Variants in SGIP1 observed in about 807,000 individuals in gnomAD.
SGIP1 encodes SH3-containing GRB2-like protein 3-interacting protein 1.
SGIP1 carries 38 observed loss-of-function variants against 107.5 expected under a neutral mutation model. That is an observed-to-expected ratio of 0.35 (90% confidence interval 0.27 to 0.46). The LOEUF (loss-of-function observed/expected upper bound fraction) is 0.46, where lower values mean the gene tolerates loss of function less well. Ranked by LOEUF, SGIP1 falls within the 20% of genes least tolerant of loss-of-function variation. The probability of loss-of-function intolerance (pLI) is 1.00; values close to 1 mark genes in which losing one functional copy is unlikely to be tolerated. For missense variants in SGIP1, 929 were observed against 1,019.5 expected (o/e 0.91, Z 1.21); for synonymous variants, 365 against 366.1 (o/e 1.00, Z 0.03).
At chr1:66,623,376 A>C (rs1317835194) in intron 1 of SGIP1, among the ~76,000 whole-genome samples, 1 of 151,996 alleles carries the variant, frequency 6.6e-6, no homozygotes, top group East Asian at 1.9e-4. Context: ...CAGCCTCCCA[A>C]GTAGCTGGGA....
In SGIP1 at chr1:66,744,686, G is replaced by T. The variant is rs1434506707; in HGVS notation, c.*1591G>T. On this transcript the variant is annotated 3_prime_UTR_variant, in exon 25 of 25. Coordinates refer to ENST00000371037, the MANE Select transcript of SGIP1 (RefSeq NM_032291.4). ...TAAAATGAGATTGTGACTGGCAATT[G>T]TTTATAGTGAAACTTTTTAAATTAA... 5.3e-5 allele frequency: 8 copies of T among 151,984 alleles called. No homozygotes were observed. The highest frequency in any genetic ancestry group is 6.6e-5 in the Admixed American group (1 of 15,240). The allele number at this position is 151,984 out of a possible 1,614,324, so 9.4% of individuals were successfully genotyped here. A position where few individuals can be genotyped will look rare whatever the true frequency, so the allele number is the denominator to read the frequency against.
intron 1 of SGIP1, among the ~76,000 whole-genome samples, chr1:66,596,225 C>G (rs2064653374): frequency 6.6e-6 from 1 of 152,106 alleles, no homozygotes; most frequent in Admixed American, 6.5e-5. Context: ...TTGTACCACG[C>G]CCAAGAAGAA....
chr1:66,554,219 G>A (rs935837069), intron 1 of SGIP1, among the ~76,000 whole-genome samples: 2 of 152,118 alleles, frequency 1.3e-5, no homozygotes, highest in African/African-American at 4.8e-5. Flanking sequence ...GCTCCACAAA[G>A]TCTAAATGAG....
chr1:66,750,761 C>T lies in SGIP1; in HGVS notation c.*7666C>T, dbSNP rs536425136. Among the ~76,000 whole-genome samples, 61 of 133,072 alleles carry T rather than the reference C, an allele frequency of 4.6e-4. No homozygotes were observed. The highest frequency in any genetic ancestry group is 9.4e-4 in the Non-Finnish European group (55 of 58,424). The allele number at this position is 133,072 out of a possible 152,430, so 87.3% of individuals were successfully genotyped here. ...GCTGTGCTCAAGAGAAAACCAACAA[C>T]GGAAGCGAAGACTTACTTGCTCCTT... On this transcript the variant is annotated 3_prime_UTR_variant, in exon 25 of 25. Transcript: ENST00000371037.
At chr1:66,634,246 G>C in intron 3 of SGIP1, 1 of 1,012,982 alleles carries the variant, frequency 9.9e-7, no homozygotes, top group Non-Finnish European at 1.5e-6. Flanking sequence ...CCTTTGCAAA[G>C]CTCTGTTAGC....
Position 66,631,036 on chromosome 1 carries a change from GAAGAAAGGAAGAAAGA to G in SGIP1, c.75-2026_75-2011del, listed in dbSNP as rs1308015008. Among the ~76,000 whole-genome samples, 427 of 94,386 alleles carry G rather than the reference GAAGAAAGGAAGAAAGA, an allele frequency of 4.5e-3. 3 individuals are homozygous for G. The highest frequency in any genetic ancestry group is 0.017 in the African/African-American group (394 of 23,832). 61.9% of individuals were successfully genotyped at this position (94,386 alleles called of 152,430 possible). On this transcript the variant is annotated intron_variant, in intron 2 of 24. Transcript: ENST00000371037. ...AGGAAGGGAAAGGAAAGGAAGGAAG[GAAGAAAGGAAGAAAGA>G]AAGAAAGAAAGAAAGAAAGAAAGAA...
chr1:66,652,532 A>C (rs984150514), intron 7 of SGIP1, among the ~76,000 whole-genome samples: 4 of 152,274 alleles, frequency 2.6e-5, no homozygotes, highest in Non-Finnish European at 5.9e-5. Flanking sequence ...GAGATTTGCA[A>C]TGCATAACTT....
intron 12 of SGIP1, 82 bp from the exon 13 acceptor site, chr1:66,676,922 C>T (rs1211308919): frequency 1.8e-6 from 2 of 1,116,362 alleles, no homozygotes; most frequent in Non-Finnish European, 2.6e-6. Flanking sequence ...TTGTAAAGCT[C>T]AACTTGAAAT....
intron 1 of SGIP1, among the ~76,000 whole-genome samples, chr1:66,549,133 A>ACCTT (rs2056964937): frequency 8.1e-6 from 1 of 122,834 alleles, no homozygotes; most frequent in African/African-American, 2.8e-5. Flanking sequence ...CCTTCTGGCT[A>ACCTT]CCTGCCTTCC....
chr1:66,624,595 T>G lies in SGIP1; in HGVS notation c.11-1252T>G, dbSNP rs530802001. ...AGAGGCAGATAATGAATGACTCAGA[T>G]AGTCTGAGTGGTTTGGGCTGACTCA... is the stretch of plus-strand genomic sequence containing the variant. On this transcript the variant is annotated intron_variant, in intron 1 of 24. Transcript: ENST00000371037. 1.2e-4 allele frequency among the ~76,000 whole-genome samples: 19 copies of G among 152,320 alleles called. 1 individual carries two copies. In the South Asian group the frequency reaches 3.9e-3, roughly 32 times the overall value.
At chr1:66,577,756 C>CTGTGTGTGTGTG (rs6143251) in intron 1 of SGIP1, among the ~76,000 whole-genome samples, 175 of 145,066 alleles carry the variant, frequency 1.2e-3, no homozygotes, top group African/African-American at 1.7e-3. Context: ...TAATGCAGTC[C>CTGTGTGTGTGTG]TGTGTGTGTG....
intron 17 of SGIP1, 145 bp downstream of exon 17, chr1:66,690,461 C>T (rs2089567968): frequency 1.7e-6 from 2 of 1,159,868 alleles, no homozygotes; most frequent in Non-Finnish European, 2.4e-6. Context: ...CTTTTAAAAC[C>T]ACCTTCTCAG....
intron 18 of SGIP1, among the ~76,000 whole-genome samples, chr1:66,713,727 C>T (rs2093061149): frequency 6.6e-6 from 1 of 151,998 alleles, no homozygotes; most frequent in African/African-American, 2.4e-5. Flanking sequence ...CTAATTATTA[C>T]AGGAACTCAT....
At chr1:66,635,677 G>A (rs1440815173) in intron 3 of SGIP1, among the ~76,000 whole-genome samples, 1 of 152,100 alleles carries the variant, frequency 6.6e-6, no homozygotes, top group Non-Finnish European at 1.5e-5. Flanking sequence ...GATCCACATG[G>A]TCCCTAGTGC....
chr1:66,549,137 G>GCCTGCCTTCCTT (rs1051893057), intron 1 of SGIP1, among the ~76,000 whole-genome samples: 16 of 144,530 alleles, frequency 1.1e-4, no homozygotes, highest in Middle Eastern at 3.5e-3. Flanking sequence ...CTGGCTACCT[G>GCCTGCCTTCCTT]CCTTCCTTCC....
At chr1:66,592,097 C>T (rs769126308) in intron 1 of SGIP1, among the ~76,000 whole-genome samples, 22 of 152,166 alleles carry the variant, frequency 1.4e-4, no homozygotes, top group Non-Finnish European at 3.1e-4. Flanking sequence ...GCAAAGAGGC[C>T]TTCCTCTTTC....
chr1:66,747,788 C>T lies in SGIP1; in HGVS notation c.*4693C>T, dbSNP rs376250200. 1.3e-5 allele frequency: 2 copies of T among 151,858 alleles called. No individual in the cohort carries two copies. Among genetic ancestry groups the T allele is most frequent in the Admixed American group, 6.6e-5 (1 of 15,244 alleles). 9.4% of individuals were successfully genotyped at this position (151,858 alleles called of 1,614,324 possible). A position where few individuals can be genotyped will look rare whatever the true frequency, so the allele number is the denominator to read the frequency against. ...AACAGATGAGTGTGTGTGTATGTGT[C>T]TGTGTTTAAGCTTTTCCTTTTCCAA... On this transcript the variant is annotated 3_prime_UTR_variant, in exon 25 of 25. Transcript: ENST00000371037.
chr1:66,570,046 T>C (rs1398355628), intron 1 of SGIP1, among the ~76,000 whole-genome samples: 3 of 151,834 alleles, frequency 2.0e-5, no homozygotes, highest in African/African-American at 7.2e-5. Flanking sequence ...CCTTTTAATG[T>C]CCATAGAATC....
intron 1 of SGIP1, among the ~76,000 whole-genome samples, chr1:66,548,382 A>AC (rs1429444968): frequency 6.6e-6 from 1 of 152,084 alleles, no homozygotes; most frequent in Admixed American, 6.5e-5. Flanking sequence ...ACTCATTGGC[A>AC]CCATCACTAT....
Sources: gnomAD v4.1 joint callset for allele counts (sites outside exome capture counted in the v4.1 genomes callset) on GRCh38, gnomAD v4.1.1 for gene constraint, MANE v1.5 for transcripts, NCBI Gene and HGNC (gene_info 2026-07-23, HGNC 2026-07-21) for gene names.